RGS6: variants seen among roughly 807,000 people sequenced by gnomAD.
RGS6 encodes regulator of G protein signaling 6.
In RGS6, 30 loss-of-function variants were observed where a neutral mutation model predicts 78.5. The ratio of observed to expected loss-of-function variants is 0.38; its 90% confidence interval spans 0.29 to 0.52. RGS6 has a LOEUF of 0.52. RGS6 is among the 20% of genes least tolerant of loss of function. The probability of loss-of-function intolerance (pLI) is 0.85; values close to 1 mark genes in which losing one functional copy is unlikely to be tolerated. For missense variants in RGS6, 495 were observed against 609.7 expected, an observed-to-expected ratio of 0.81 and a Z score of 1.98; for synonymous variants, 206 against 206.0, an observed-to-expected ratio of 1.00 and a Z score of 0.00.
intron 3 of RGS6, among the ~76,000 whole-genome samples, chr14:72,435,192 T>G (rs553776585): frequency 2.6e-5 from 4 of 152,238 alleles, no homozygotes; most frequent in African/African-American, 9.6e-5. Context: ...TGAAGTTTTT[T>G]ATGCTAACTT....
intron 2 of RGS6, among the ~76,000 whole-genome samples, chr14:72,315,121 G>A (rs1288062735): frequency 6.7e-6 from 1 of 148,640 alleles, no homozygotes; most frequent in African/African-American, 2.5e-5. Flanking sequence ...CTTTCCTAAA[G>A]CAAGATCAGA....
Position 71,964,803 on chromosome 14 carries a change from A to T in RGS6, c.12A>T (p.Gly4=), listed in dbSNP as rs748849849. The T allele has an allele frequency of 1.2e-6, 2 of 1,613,566 alleles. No homozygotes were observed. Among genetic ancestry groups the T allele is most frequent in the Non-Finnish European group, 1.7e-6 (2 of 1,179,852 alleles). The change falls in exon 2 of 18, where the codon GGA becomes GGT. Residue 4 remains glycine (G), a synonymous_variant. Transcript: ENST00000553525. ...TGAAGACACTCAGGATGGCTCAAGG[A>T]TCCGGGGATCAAAGAGCAGTGGGGG... MAQ[G]SGDQRAVGVA...
intron 2 of RGS6, among the ~76,000 whole-genome samples, chr14:72,188,274 G>C (rs1264244927): frequency 6.6e-6 from 1 of 152,152 alleles, no homozygotes; most frequent in Non-Finnish European, 1.5e-5. Flanking sequence ...GTATTTATCA[G>C]TTGATGAAAA....
At chr14:72,552,486 G>T in intron 17 of RGS6, 1 of 152,328 alleles carries the variant, frequency 6.6e-6, no homozygotes. Context: ...GGTGCCTCCT[G>T]CTACCAGAGA....
At chr14:72,403,420 G>C (rs1055026163) in intron 3 of RGS6, among the ~76,000 whole-genome samples, 1 of 152,188 alleles carries the variant, frequency 6.6e-6, no homozygotes, top group South Asian at 2.1e-4. Context: ...TAGAAGTAGA[G>C]AGTACAATTG....
chr14:72,524,517 C>G (rs1001453674), intron 15 of RGS6, among the ~76,000 whole-genome samples: 1 of 152,198 alleles, frequency 6.6e-6, no homozygotes, highest in Non-Finnish European at 1.5e-5. Context: ...AATCAAATGC[C>G]AGCACAGTGG....
chr14:72,523,947 G>A (rs2097087150), intron 15 of RGS6, among the ~76,000 whole-genome samples: 1 of 152,128 alleles, frequency 6.6e-6, no homozygotes, highest in South Asian at 2.1e-4. Flanking sequence ...TGAGGCAAGG[G>A]CCTTGACCTT....
intron 2 of RGS6, among the ~76,000 whole-genome samples, chr14:72,135,304 C>G (rs1310974584): frequency 6.6e-6 from 1 of 152,118 alleles, no homozygotes; most frequent in Non-Finnish European, 1.5e-5. Context: ...GAGGAACTCC[C>G]TGGACTGTGA....
chr14:72,086,580 T>A (rs758279065), intron 2 of RGS6, among the ~76,000 whole-genome samples: 3 of 152,214 alleles, frequency 2.0e-5, no homozygotes, highest in African/African-American at 7.2e-5. Context: ...CCCTGAGCCC[T>A]CTGCAGAGCA....
At chr14:72,145,303 G>C (rs1371016852) in intron 2 of RGS6, among the ~76,000 whole-genome samples, 1 of 152,168 alleles carries the variant, frequency 6.6e-6, no homozygotes, top group African/African-American at 2.4e-5. Flanking sequence ...CAAGAAGGGG[G>C]TCTACGTGGG....
intron 2 of RGS6, among the ~76,000 whole-genome samples, chr14:72,019,574 A>T (rs2087902923): frequency 6.6e-6 from 1 of 151,356 alleles, no homozygotes; most frequent in Non-Finnish European, 1.5e-5. Context: ...AAGATATTAG[A>T]GAAATATGTC....
intron 3 of RGS6, among the ~76,000 whole-genome samples, chr14:72,416,433 T>C (rs1305360606): frequency 6.6e-6 from 1 of 152,222 alleles, no homozygotes; most frequent in Admixed American, 6.5e-5. Flanking sequence ...CTAAAACTTA[T>C]AAAGTATCAG....
chr14:72,018,405 T>C (rs1263834425), intron 2 of RGS6, among the ~76,000 whole-genome samples: 2 of 152,226 alleles, frequency 1.3e-5, no homozygotes, highest in African/African-American at 4.8e-5. Flanking sequence ...TCTGTAGGAA[T>C]TGTCTGCAGC....
chr14:72,619,259 G>A, the RGS6 span: 19 of 1,529,736 alleles, frequency 1.2e-5, no homozygotes, highest in Non-Finnish European at 1.6e-5. Flanking sequence ...TCTGCTTTAG[G>A]ATCTCCAGCA....
At chr14:72,137,263 G>A (rs1043593185) in intron 2 of RGS6, among the ~76,000 whole-genome samples, 3 of 152,184 alleles carry the variant, frequency 2.0e-5, no homozygotes, top group Admixed American at 6.5e-5. Flanking sequence ...CCTTTCTGCA[G>A]CCCTTCATGG....
chr14:71,874,321 G>A, the RGS6 span, among the ~76,000 whole-genome samples: 11,463 of 151,808 alleles, frequency 0.076, 898 homozygotes, highest in East Asian at 0.21. Context: ...ATTTCATTGA[G>A]CAGTGGTTTG....
chr14:71,891,431 C>T, the RGS6 span, among the ~76,000 whole-genome samples: 19 of 152,160 alleles, frequency 1.2e-4, no homozygotes, highest in Non-Finnish European at 2.2e-4. Flanking sequence ...GACAAGGGCA[C>T]CTACACTTGG....
At chr14:71,980,912 A>T (rs1256469989) in intron 2 of RGS6, among the ~76,000 whole-genome samples, 1 of 94,064 alleles carries the variant, frequency 1.1e-5, no homozygotes, top group East Asian at 3.4e-4. Context: ...TCAGACGTAG[A>T]TTTGGTCTTT....
At chr14:72,345,772 C>A (rs561138867) in intron 2 of RGS6, among the ~76,000 whole-genome samples, 1 of 152,198 alleles carries the variant, frequency 6.6e-6, no homozygotes, top group African/African-American at 2.4e-5. Context: ...TTGGTAGGTG[C>A]TCAGTGAATG....
Sources: allele counts gnomAD v4.1 joint callset (sites outside exome capture counted in the v4.1 genomes callset), GRCh38; gene constraint gnomAD v4.1.1; transcripts MANE v1.5; gene names NCBI Gene and HGNC (gene_info 2026-07-23, HGNC 2026-07-21).